The following BLTP3B variants were observed in gnomAD, a reference collection of about 807,000 sequenced individuals.
BLTP3B encodes UHRF1 (ICBP90) binding protein 1-like.
chr12:100,111,766 C>T, the BLTP3B span, among the ~76,000 whole-genome samples: 1,767 of 152,132 alleles, frequency 0.012, 37 homozygotes, highest in African/African-American at 0.038. Context: ...CCACCACGCC[C>T]AGCTAATTTT....
chr12:100,091,772 G>A, the BLTP3B span, among the ~76,000 whole-genome samples: 7 of 148,828 alleles, frequency 4.7e-5, no homozygotes, highest in East Asian at 1.0e-3. Flanking sequence ...CCCAAAGTGC[G>A]GGGATTACAG....
At chr12:100,133,890 T>G in the BLTP3B span, among the ~76,000 whole-genome samples, 1 of 152,208 alleles carries the variant, frequency 6.6e-6, no homozygotes, top group Non-Finnish European at 1.5e-5. Context: ...GAGATCACAT[T>G]CATATAACTT....
the BLTP3B span, among the ~76,000 whole-genome samples, chr12:100,068,853 T>C: frequency 1.3e-5 from 2 of 152,156 alleles, no homozygotes; most frequent in East Asian, 1.9e-4. Flanking sequence ...CATGTTGGCA[T>C]TGATGCAGTG....
the BLTP3B span, chr12:100,069,968 C>T: frequency 2.5e-6 from 3 of 1,200,090 alleles, no homozygotes; most frequent in Non-Finnish European, 3.1e-6. Flanking sequence ...GGCTGGAATA[C>T]TATGATTATG....
At chr12:100,037,827 C>T in the BLTP3B span, 6 of 1,351,020 alleles carry the variant, frequency 4.4e-6, no homozygotes, top group Non-Finnish European at 5.0e-6. Context: ...TATATAGTAT[C>T]CAAAGGTATG....
the BLTP3B span, chr12:100,058,852 C>G: frequency 6.2e-7 from 1 of 1,613,884 alleles, no homozygotes; most frequent in Non-Finnish European, 8.5e-7. Flanking sequence ...TGAACATGAA[C>G]TAGGAGATGA....
the BLTP3B span, chr12:100,095,541 A>G: frequency 2.0e-6 from 2 of 1,013,166 alleles, no homozygotes; most frequent in South Asian, 1.7e-5. Context: ...AGATATCTAG[A>G]TAAAGAAGAT....
At chr12:100,116,864 C>T in the BLTP3B span, among the ~76,000 whole-genome samples, 6 of 152,038 alleles carry the variant, frequency 3.9e-5, no homozygotes, top group African/African-American at 1.4e-4. Flanking sequence ...AAGACATTGC[C>T]AGAACTAAAA....
the BLTP3B span, among the ~76,000 whole-genome samples, chr12:100,070,358 C>T: frequency 2.0e-5 from 3 of 151,604 alleles, no homozygotes; most frequent in African/African-American, 7.3e-5. Context: ...ATGATCCCAG[C>T]TCACCACAAC....
chr12:100,089,291 G>T, the BLTP3B span, among the ~76,000 whole-genome samples: 151 of 152,242 alleles, frequency 9.9e-4, no homozygotes, highest in African/African-American at 3.5e-3. Context: ...GTAAAACTAG[G>T]CTCATGCCTG....
At chr12:100,116,912 T>TA in the BLTP3B span, among the ~76,000 whole-genome samples, 277 of 152,102 alleles carry the variant, frequency 1.8e-3, 1 homozygote, top group African/African-American at 6.2e-3. Flanking sequence ...AAGGCCAATA[T>TA]AAAAATAAAT....
chr12:100,066,859 A>G, the BLTP3B span, among the ~76,000 whole-genome samples: 1 of 152,230 alleles, frequency 6.6e-6, no homozygotes, highest in South Asian at 2.1e-4. Context: ...CTTACAGAAC[A>G]TTCCATTCAA....
At chr12:100,068,420 T>A in the BLTP3B span, among the ~76,000 whole-genome samples, 6 of 152,206 alleles carry the variant, frequency 3.9e-5, no homozygotes, top group Non-Finnish European at 7.3e-5. Context: ...GGAAAGACTC[T>A]TCTACACATT....
chr12:100,038,274 A>G, the BLTP3B span, among the ~76,000 whole-genome samples: 1 of 152,156 alleles, frequency 6.6e-6, no homozygotes, highest in Non-Finnish European at 1.5e-5. Context: ...CAACTATCAT[A>G]GACTCACCTA....
At chr12:100,128,913 T>C in the BLTP3B span, among the ~76,000 whole-genome samples, 1 of 152,190 alleles carries the variant, frequency 6.6e-6, no homozygotes, top group Non-Finnish European at 1.5e-5. Flanking sequence ...TAAGATTTTC[T>C]TCATTTTCTC....
the BLTP3B span, chr12:100,098,290 T>A: frequency 6.7e-7 from 1 of 1,490,622 alleles, no homozygotes; most frequent in Non-Finnish European, 8.9e-7. Context: ...GTGATTTTTT[T>A]AATCGTCCTC....
At chr12:100,115,339 G>C in the BLTP3B span, among the ~76,000 whole-genome samples, 1 of 152,218 alleles carries the variant, frequency 6.6e-6, no homozygotes, top group African/African-American at 2.4e-5. Context: ...TTGGAAAGCA[G>C]AGGTTGCAGT....
the BLTP3B span, among the ~76,000 whole-genome samples, chr12:100,062,441 G>T: frequency 6.6e-6 from 1 of 152,146 alleles, no homozygotes; most frequent in Non-Finnish European, 1.5e-5. Flanking sequence ...CTACATGAGG[G>T]TGCAACATAC....
the BLTP3B span, among the ~76,000 whole-genome samples, chr12:100,119,800 A>C: frequency 3.9e-5 from 6 of 152,214 alleles, no homozygotes; most frequent in South Asian, 2.1e-4. Context: ...AATTAACTCT[A>C]AATTATCACA....
Sources: gnomAD v4.1 joint callset for allele counts (sites outside exome capture counted in the v4.1 genomes callset) on GRCh38, gnomAD v4.1.1 for gene constraint, MANE v1.5 for transcripts, NCBI Gene and HGNC (gene_info 2026-07-23, HGNC 2026-07-21) for gene names.